Variants in PINX1 observed in about 807,000 individuals in gnomAD.
The protein encoded by PINX1 is PIN2 (TERF1) interacting telomerase inhibitor 1.
A neutral mutation model predicts 25.4 loss-of-function variants in PINX1; 34 were observed. The observed-to-expected ratio is 1.34, with a 90% CI of 1.02 to 1.78. The LOEUF is 1.78. Among genes scored for constraint, PINX1 ranks in the 40% most tolerant of loss-of-function variants. PINX1 has a pLI of 0.00. For synonymous variants in PINX1, 197 were observed against 147.7 expected (o/e 1.33, Z -2.42); for missense variants, 592 against 404.9 (o/e 1.46, Z -3.97).
rs1199127509 is a variant in PINX1, at chr8:10,832,889, C to T, written c.222+3G>A. On this transcript the variant is annotated splice_donor_region_variant and intron_variant, in intron 3 of 6. Coordinates refer to ENST00000314787, the MANE Select transcript of PINX1 (RefSeq NM_017884.6). ...CACCCAGGAGGCACACACTGCTGCTCACTTCATTATTGATGGTAGCTCCGA... is the reference window on the plus strand; with the variant it reads ...CACCCAGGAGGCACACACTGCTGCTTACTTCATTATTGATGGTAGCTCCGA... The T allele has an allele frequency of 2.5e-6, 4 of 1,584,858 alleles. No individual in the cohort carries two copies. The highest frequency in any genetic ancestry group is 1.7e-5 in the Admixed American group (1 of 59,774).
At chr8:10,775,401 T>C (rs1210745692) in intron 6 of PINX1, among the ~76,000 whole-genome samples, 2 of 140,286 alleles carry the variant, frequency 1.4e-5, no homozygotes, top group Non-Finnish European at 3.1e-5. Context: ...TAGTTCTGTC[T>C]GTTTTGTGGT....
intron 6 of PINX1, among the ~76,000 whole-genome samples, chr8:10,812,414 AG>A (rs1797550685): frequency 6.6e-6 from 1 of 152,174 alleles, no homozygotes; most frequent in East Asian, 1.9e-4. Context: ...CAGAGCTGGA[AG>A]GGCTTGAATG....
intron 6 of PINX1, among the ~76,000 whole-genome samples, chr8:10,816,221 A>G (rs1797692219): frequency 6.6e-6 from 1 of 152,192 alleles, no homozygotes; most frequent in Non-Finnish European, 1.5e-5. Context: ...ACCAATGCCA[A>G]TTTCCTGGTT....
At chr8:10,814,704 A>AT (rs1304034470) in intron 6 of PINX1, among the ~76,000 whole-genome samples, 1 of 152,256 alleles carries the variant, frequency 6.6e-6, no homozygotes, top group African/African-American at 2.4e-5. Context: ...GACATTTCAA[A>AT]TATCAACCAT....
intron 6 of PINX1, among the ~76,000 whole-genome samples, chr8:10,775,369 C>G (rs1801354996): frequency 6.9e-6 from 1 of 145,176 alleles, no homozygotes; most frequent in African/African-American, 2.5e-5. Flanking sequence ...TGCTGCTTCT[C>G]AAACTATCAG....
chr8:10,814,356 C>G (rs966514256), intron 6 of PINX1, among the ~76,000 whole-genome samples: 3 of 152,174 alleles, frequency 2.0e-5, no homozygotes, highest in Non-Finnish European at 4.4e-5. Context: ...AGCAGGGAAA[C>G]AGCGCCTCCT....
At chr8:10,784,823 C>T (rs924034633) in intron 6 of PINX1, among the ~76,000 whole-genome samples, 4 of 152,132 alleles carry the variant, frequency 2.6e-5, no homozygotes, top group Admixed American at 6.5e-5. Flanking sequence ...TTAAAGCAAG[C>T]CTTTTTGATG....
chr8:10,777,845 C>A (rs1456116508), intron 6 of PINX1, among the ~76,000 whole-genome samples: 3 of 152,178 alleles, frequency 2.0e-5, no homozygotes, highest in Non-Finnish European at 4.4e-5. Context: ...GATGGATCTG[C>A]TATCAGATAC....
intron 6 of PINX1, among the ~76,000 whole-genome samples, chr8:10,792,837 A>G (rs1425547606): frequency 6.6e-6 from 1 of 152,202 alleles, no homozygotes; most frequent in Non-Finnish European, 1.5e-5. Context: ...TACTTAGCTC[A>G]TAATGTTTAC....
intron 6 of PINX1, 98 bp downstream of exon 6, chr8:10,820,095 G>T: frequency 2.5e-6 from 2 of 790,288 alleles, no homozygotes; most frequent in Non-Finnish European, 4.4e-6. Context: ...TGGAAAGTTT[G>T]TCAGAAAAGT....
intron 5 of PINX1, chr8:10,825,286 C>A: frequency 1.9e-6 from 1 of 529,150 alleles, no homozygotes. Context: ...TCCTAGAAGA[C>A]CAAAGCAGAG....
chr8:10,787,877 G>C (rs958227787), intron 6 of PINX1: 1 of 453,942 alleles, frequency 2.2e-6, no homozygotes, highest in South Asian at 1.6e-5. Context: ...AAGAAAGTCT[G>C]AAAGACATTA....
intron 6 of PINX1, among the ~76,000 whole-genome samples, chr8:10,776,454 C>A (rs59570261): frequency 7.4e-6 from 1 of 134,774 alleles, no homozygotes; most frequent in East Asian, 2.5e-4. Flanking sequence ...AATAAACAAA[C>A]AAACAAACAA....
chr8:10,806,509 T>C (rs1291406518), intron 6 of PINX1, among the ~76,000 whole-genome samples: 1 of 152,174 alleles, frequency 6.6e-6, no homozygotes, highest in Non-Finnish European at 1.5e-5. Context: ...GGAAACAGTT[T>C]ATAACATTGT....
chr8:10,784,148 T>G (rs1801676299), intron 6 of PINX1, among the ~76,000 whole-genome samples: 1 of 152,248 alleles, frequency 6.6e-6, no homozygotes, highest in Admixed American at 6.5e-5. Context: ...AAAGTCATGC[T>G]TCTGCCTGTA....
At chr8:10,821,827 C>G (rs977500777) in intron 5 of PINX1, 7 of 152,190 alleles carry the variant, frequency 4.6e-5, no homozygotes, top group African/African-American at 1.7e-4. Context: ...AAATTAAGGT[C>G]TCTTCTATAG....
At chr8:10,821,543 A>T (rs1333177038) in intron 5 of PINX1, among the ~76,000 whole-genome samples, 1 of 152,208 alleles carries the variant, frequency 6.6e-6, no homozygotes, top group Non-Finnish European at 1.5e-5. Flanking sequence ...AAAAAGACCC[A>T]AAAGAAAACC....
Position 10,765,672 on chromosome 8 carries a change from T to A in PINX1, c.716A>T (p.Lys239Met), listed in dbSNP as rs1374097131. 4.3e-6 allele frequency: 7 copies of A among 1,614,024 alleles called. No homozygotes were observed. Among genetic ancestry groups the A allele is most frequent in the Non-Finnish European group, 5.9e-6 (7 of 1,179,900 alleles). Residue 239 changes from lysine (K) to methionine (M), a missense_variant, in exon 7 of 7, where the codon AAG becomes ATG. Coordinates refer to ENST00000314787, the MANE Select transcript of PINX1 (RefSeq NM_017884.6). ...CTCCTGGGCCTCGGCCCTCTCGGGC[T>A]TTCCCTCCGTGTGCCTCTTGGCCTT... The part of the protein sequence containing the change: ...QPKAKRHTEG[K>M]PERAEAQERV...
At chr8:10,827,910 CAAAA>C (rs35913986) in intron 4 of PINX1, among the ~76,000 whole-genome samples, 1 of 82,300 alleles carries the variant, frequency 1.2e-5, no homozygotes, top group Non-Finnish European at 2.3e-5. Flanking sequence ...GACTCCATCT[CAAAA>C]AAAAAAAAAA....
Sources: allele counts gnomAD v4.1 joint callset (sites outside exome capture counted in the v4.1 genomes callset), GRCh38; gene constraint gnomAD v4.1.1; transcripts MANE v1.5; gene names NCBI Gene and HGNC (gene_info 2026-07-23, HGNC 2026-07-21).